Variants in CDH13 observed in about 807,000 individuals in gnomAD.
CDH13 encodes the protein cadherin 13, also known as cadherin-13.
CDH13 carries 24 observed loss-of-function variants against 63.8 expected under a neutral mutation model. The observed-to-expected ratio is 0.38, with a 90% CI of 0.27 to 0.53. The LOEUF is 0.53. Ranked by LOEUF, CDH13 falls within the 20% of genes least tolerant of loss-of-function variation. The probability of loss-of-function intolerance (pLI) is 0.85; values close to 1 mark genes in which losing one functional copy is unlikely to be tolerated. For missense variants in CDH13, 1,049 were observed against 903.1 expected (o/e 1.16, Z -2.07); for synonymous variants, 503 against 355.3 (o/e 1.42, Z -4.67).
intron 6 of CDH13, among the ~76,000 whole-genome samples, chr16:83,468,465 C>G (rs2073372785): frequency 6.6e-6 from 1 of 152,172 alleles, no homozygotes; most frequent in Non-Finnish European, 1.5e-5. Flanking sequence ...TGTGAGAGAC[C>G]AAATATCCGA....
At chr16:82,980,424 T>G (rs1910110733) in intron 2 of CDH13, among the ~76,000 whole-genome samples, 1 of 152,244 alleles carries the variant, frequency 6.6e-6, no homozygotes, top group Admixed American at 6.5e-5. Flanking sequence ...AGCCTGGTTT[T>G]CATCTATCCA....
intron 11 of CDH13, among the ~76,000 whole-genome samples, chr16:83,776,142 GAAT>G (rs1362104751): frequency 6.6e-6 from 1 of 152,032 alleles, no homozygotes; most frequent in Non-Finnish European, 1.5e-5. Flanking sequence ...CCTGGCCTGG[GAAT>G]AACACATAGG....
At position 83,209,005 on chromosome 16, in the gene CDH13, C is replaced by T. The variant is rs181533912; in HGVS notation, c.484-8340C>T. On this transcript the variant is annotated intron_variant, in intron 4 of 13. Coordinates refer to ENST00000567109, the MANE Select transcript of CDH13 (RefSeq NM_001257.5). ...GCATTACCACTGCCTGGGAAGTTCA[C>T]TATGGGGATGTTCTGCTGAACCCCT... 3.9e-3 allele frequency among the ~76,000 whole-genome samples: 589 copies of T among 152,232 alleles called. 5 individuals are homozygous for T. Among genetic ancestry groups the T allele is most frequent in the African/African-American group, 0.013 (550 of 41,544 alleles).
At chr16:82,942,427 A>C (rs1251756572) in intron 2 of CDH13, among the ~76,000 whole-genome samples, 3 of 152,218 alleles carry the variant, frequency 2.0e-5, no homozygotes, top group Non-Finnish European at 4.4e-5. Context: ...GTAGGCATTT[A>C]AAACTATCCT....
At chr16:83,283,898 A>T (rs554884469) in intron 5 of CDH13, among the ~76,000 whole-genome samples, 1 of 152,066 alleles carries the variant, frequency 6.6e-6, no homozygotes, top group African/African-American at 2.4e-5. Context: ...TAATTTTATT[A>T]ATCATTACAT....
At chr16:83,368,661 C>T (rs887254360) in intron 6 of CDH13, among the ~76,000 whole-genome samples, 21 of 144,484 alleles carry the variant, frequency 1.5e-4, no homozygotes, top group African/African-American at 3.6e-4. Context: ...GTCTCGTATC[C>T]GTTGCCATGC....
Position 82,865,377 on chromosome 16 carries a change from C to T in CDH13, c.157+6904C>T, listed in dbSNP as rs114870581. Among the ~76,000 whole-genome samples, 1,431 of 152,342 alleles carry T rather than the reference C, an allele frequency of 9.4e-3. 25 individuals are homozygous for T. The highest frequency in any genetic ancestry group is 0.032 in the African/African-American group (1,336 of 41,578). On this transcript the variant is annotated intron_variant, in intron 2 of 13. Transcript: ENST00000567109. ...GCTCTGCCTCTGCAACAAACTTTTG[C>T]GTGGACATCCAGGTGTTTCCATTAA...
chr16:83,484,284 G>C (rs765957031), intron 6 of CDH13, among the ~76,000 whole-genome samples: 1 of 152,198 alleles, frequency 6.6e-6, no homozygotes, highest in Admixed American at 6.5e-5. Context: ...TTTCCTTTAG[G>C]CTTCAGTGTT....
At chr16:83,671,086 C>G in intron 9 of CDH13, 114 bp downstream of exon 9, 2 of 891,540 alleles carry the variant, frequency 2.2e-6, no homozygotes, top group East Asian at 4.9e-5. Context: ...CCAGTCTCCT[C>G]CTTCTGGGAA....
intron 6 of CDH13, among the ~76,000 whole-genome samples, chr16:83,394,536 G>A (rs1050167884): frequency 2.6e-5 from 4 of 152,170 alleles, no homozygotes; most frequent in African/African-American, 9.7e-5. Context: ...AGCAGGGGGA[G>A]CAGATCACAT....
chr16:83,507,572 A>G (rs2074430966), intron 7 of CDH13, among the ~76,000 whole-genome samples: 1 of 152,194 alleles, frequency 6.6e-6, no homozygotes, highest in Admixed American at 6.5e-5. Flanking sequence ...AACGTTTCCA[A>G]AGGTGACTGG....
chr16:82,827,806 AG>A (rs2038325454), intron 1 of CDH13, among the ~76,000 whole-genome samples: 1 of 152,202 alleles, frequency 6.6e-6, no homozygotes, highest in Non-Finnish European at 1.5e-5. Flanking sequence ...AAGGGAAAAT[AG>A]TAGTGAGATT....
At chr16:83,301,321 G>A (rs2089738158) in intron 5 of CDH13, among the ~76,000 whole-genome samples, 1 of 152,060 alleles carries the variant, frequency 6.6e-6, no homozygotes, top group Admixed American at 6.5e-5. Flanking sequence ...GTGAGCCACC[G>A]CACCTGGTCA....
rs576658854 is a variant in CDH13 at position 83,007,281 on chromosome 16, G to A, written c.158-24729G>A. Among the ~76,000 whole-genome samples the A allele has an allele frequency of 5.0e-4, 76 of 152,282 alleles. 1 individual carries two copies. The South Asian group carries it at 9.3e-3, about 19-fold the overall frequency. On this transcript the variant is annotated intron_variant, in intron 2 of 13. Coordinates refer to ENST00000567109, the MANE Select transcript of CDH13 (RefSeq NM_001257.5). ...TTCATTGACACATTACTCTGTGCTAGGCACCGTGACAGGTGATCTATGAAT... is the reference window on the plus strand; with the variant it reads ...TTCATTGACACATTACTCTGTGCTAAGCACCGTGACAGGTGATCTATGAAT...
At chr16:82,873,015 G>A (rs2040395374) in intron 2 of CDH13, among the ~76,000 whole-genome samples, 1 of 152,174 alleles carries the variant, frequency 6.6e-6, no homozygotes, top group African/African-American at 2.4e-5. Context: ...CGATGGTTAA[G>A]TATCATGAAG....
At chr16:83,643,483 A>G (rs1911502589) in intron 8 of CDH13, among the ~76,000 whole-genome samples, 1 of 152,298 alleles carries the variant, frequency 6.6e-6, no homozygotes, top group South Asian at 2.1e-4. Context: ...AACTATTAAT[A>G]ATACTCTATT....
At chr16:82,919,257 T>C (rs1439711001) in intron 2 of CDH13, among the ~76,000 whole-genome samples, 3 of 152,222 alleles carry the variant, frequency 2.0e-5, no homozygotes, top group Non-Finnish European at 4.4e-5. Context: ...GTTAGTTATA[T>C]AGGTAAACTC....
intron 1 of CDH13, among the ~76,000 whole-genome samples, chr16:82,796,996 T>C (rs769087032): frequency 5.9e-5 from 9 of 152,220 alleles, no homozygotes; most frequent in Non-Finnish European, 1.2e-4. Flanking sequence ...AACTTTTTCT[T>C]CTGCCAAACC....
intron 6 of CDH13, among the ~76,000 whole-genome samples, chr16:83,367,050 T>G (rs1381672201): frequency 6.6e-6 from 1 of 152,200 alleles, no homozygotes; most frequent in African/African-American, 2.4e-5. Context: ...AGTTACACAA[T>G]CATCGCCACA....
Sources: gnomAD v4.1 joint callset for allele counts (sites outside exome capture counted in the v4.1 genomes callset) on GRCh38, gnomAD v4.1.1 for gene constraint, MANE v1.5 for transcripts, NCBI Gene and HGNC (gene_info 2026-07-23, HGNC 2026-07-21) for gene names.